Variants in NRXN3 observed in about 807,000 individuals in gnomAD.
NRXN3 encodes the protein neurexin 3.
In NRXN3, 32 loss-of-function variants were observed where a neutral mutation model predicts 137.6. The observed-to-expected ratio is 0.23, with a 90% confidence interval of 0.18 to 0.31. NRXN3 has a LOEUF of 0.31. NRXN3 is among the 10% of genes least tolerant of loss of function. The pLI, the probability that NRXN3 is intolerant of heterozygous loss-of-function variation, is 1.00. For synonymous variants in NRXN3, 798 were observed against 784.5 expected (o/e 1.02, Z -0.29); for missense variants, 1,574 against 2,062.5 (o/e 0.76, Z 4.59).
At chr14:78,964,777 C>G (rs1567839160) in intron 11 of NRXN3, among the ~76,000 whole-genome samples, 1 of 151,826 alleles carries the variant, frequency 6.6e-6, no homozygotes, top group Non-Finnish European at 1.5e-5. Context: ...ATTAAAATTT[C>G]CAGTCTCTTT....
At chr14:78,684,796 A>C (rs1297296048) in intron 6 of NRXN3, among the ~76,000 whole-genome samples, 1 of 152,232 alleles carries the variant, frequency 6.6e-6, no homozygotes, top group African/African-American at 2.4e-5. Context: ...CTTGTCTCAA[A>C]AACAACAACA....
At chr14:79,061,565 G>A (rs1258666178) in intron 15 of NRXN3, among the ~76,000 whole-genome samples, 2 of 152,178 alleles carry the variant, frequency 1.3e-5, no homozygotes, top group South Asian at 2.1e-4. Context: ...TTACAAGGAC[G>A]ACCATTGCTT....
chr14:79,183,913 C>A (rs960945492), intron 15 of NRXN3, among the ~76,000 whole-genome samples: 1 of 152,156 alleles, frequency 6.6e-6, no homozygotes, highest in Non-Finnish European at 1.5e-5. Context: ...CCACTACCAG[C>A]AACAGGTCTG....
At chr14:79,558,196 G>T (rs2153769726) in intron 16 of NRXN3, among the ~76,000 whole-genome samples, 1 of 152,110 alleles carries the variant, frequency 6.6e-6, no homozygotes, top group South Asian at 2.1e-4. Context: ...ATCCGTGAGG[G>T]TTGGAATCAA....
chr14:79,585,239 T>A (rs1308159491), intron 16 of NRXN3, among the ~76,000 whole-genome samples: 1 of 152,296 alleles, frequency 6.6e-6, no homozygotes, highest in Middle Eastern at 3.4e-3. Context: ...GAAAGAAGTT[T>A]AGTAGACTCA....
At chr14:79,208,166 A>G (rs559267835) in intron 15 of NRXN3, among the ~76,000 whole-genome samples, 1 of 152,166 alleles carries the variant, frequency 6.6e-6, no homozygotes, top group Non-Finnish European at 1.5e-5. Context: ...CTCTGAAAGA[A>G]TTGGAACCCG....
chr14:79,597,099 T>C (rs535228281), intron 16 of NRXN3, among the ~76,000 whole-genome samples: 2 of 152,206 alleles, frequency 1.3e-5, no homozygotes, highest in Non-Finnish European at 2.9e-5. Flanking sequence ...TTTTCAGTTC[T>C]TCCACTTGCA....
intron 16 of NRXN3, 95 bp downstream of exon 16, chr14:79,467,497 G>A (rs1411969212): frequency 1.8e-6 from 2 of 1,089,624 alleles, no homozygotes; most frequent in Middle Eastern, 2.3e-4. Context: ...GATCAATATG[G>A]CAAAGGTGCA....
chr14:78,695,639 C>T (rs1410846329), intron 6 of NRXN3: 2 of 151,966 alleles, frequency 1.3e-5, no homozygotes, highest in Non-Finnish European at 2.9e-5. Context: ...GAGTTCTGGA[C>T]AAGGAATCAG....
At chr14:79,011,118 AT>A (rs2099570132) in intron 15 of NRXN3, among the ~76,000 whole-genome samples, 2 of 152,178 alleles carry the variant, frequency 1.3e-5, no homozygotes, top group African/African-American at 4.8e-5. Context: ...AAGTGTTTGT[AT>A]TAACAGGTTT....
intron 15 of NRXN3, among the ~76,000 whole-genome samples, chr14:79,366,540 T>G (rs1030455616): frequency 2.6e-5 from 4 of 152,168 alleles, no homozygotes; most frequent in African/African-American, 7.2e-5. Context: ...AATTCTTAGC[T>G]CCCATATAAA....
At chr14:78,891,973 A>G (rs537192786) in intron 10 of NRXN3, among the ~76,000 whole-genome samples, 2 of 152,084 alleles carry the variant, frequency 1.3e-5, no homozygotes, top group East Asian at 3.9e-4. Flanking sequence ...TCTGTTCCCA[A>G]GAAGCTTTAT....
intron 16 of NRXN3, among the ~76,000 whole-genome samples, chr14:79,528,223 A>T (rs1469839): frequency 0.85 from 128,793 of 152,158 alleles, 55,036 homozygotes; most frequent in Non-Finnish European, 0.9. Flanking sequence ...ATAATATCAG[A>T]TTGATTACAG....
intron 19 of NRXN3, among the ~76,000 whole-genome samples, chr14:79,728,821 G>A (rs1016966777): frequency 6.6e-5 from 10 of 152,190 alleles, no homozygotes; most frequent in Admixed American, 2.6e-4. Context: ...TGAGAAATTA[G>A]CACTGCATTG....
At chr14:79,279,548 G>C in intron 15 of NRXN3, 1 of 986,012 alleles carries the variant, frequency 1.0e-6, no homozygotes, top group Non-Finnish European at 1.2e-6. Flanking sequence ...TCCGCACCGG[G>C]TTCCTCCTCC....
At chr14:79,379,840 T>TA (rs2094413722) in intron 15 of NRXN3, among the ~76,000 whole-genome samples, 2 of 151,650 alleles carry the variant, frequency 1.3e-5, no homozygotes, top group East Asian at 1.9e-4. Context: ...AAAGCCTTTT[T>TA]AAAAAAGTAC....
chr14:79,572,550 C>T (rs1245738588), intron 16 of NRXN3, among the ~76,000 whole-genome samples: 1 of 152,072 alleles, frequency 6.6e-6, no homozygotes, highest in Non-Finnish European at 1.5e-5. Flanking sequence ...TAGAAGAAAA[C>T]CAGCTCAGGA....
intron 15 of NRXN3, among the ~76,000 whole-genome samples, chr14:79,203,916 GA>G (rs752961863): frequency 2.0e-5 from 3 of 152,144 alleles, no homozygotes; most frequent in Non-Finnish European, 4.4e-5. Context: ...CTTTCTGAGA[GA>G]AAAAGCTCTG....
intron 4 of NRXN3, among the ~76,000 whole-genome samples, chr14:78,492,317 A>C (rs980143238): frequency 2.6e-5 from 4 of 152,112 alleles, no homozygotes; most frequent in Non-Finnish European, 5.9e-5. Context: ...ATTTTTGTTA[A>C]ATGAAAATAT....
Sources: allele counts gnomAD v4.1 joint callset (sites outside exome capture counted in the v4.1 genomes callset), GRCh38; gene constraint gnomAD v4.1.1; transcripts MANE v1.5; gene names NCBI Gene and HGNC (gene_info 2026-07-23, HGNC 2026-07-21).